Variants in LRRK1 observed in about 807,000 individuals in gnomAD.
The protein encoded by LRRK1 is leucine rich repeat kinase 1.
In LRRK1, 113 loss-of-function variants were observed where a neutral mutation model predicts 209.1. The ratio of observed to expected loss-of-function variants is 0.54; its 90% CI spans 0.46 to 0.63. The LOEUF (loss-of-function observed/expected upper bound fraction) is 0.63. LRRK1 is among the 30% of genes least tolerant of loss of function. LRRK1 has a pLI of 0.00. For missense variants in LRRK1, 2,284 were observed against 2,632.2 expected (o/e 0.87, Z 2.89); for synonymous variants, 1,144 against 1,099.7 (o/e 1.04, Z -0.80).
chr15:100,964,297 G>A (rs1346419489), intron 2 of LRRK1, among the ~76,000 whole-genome samples: 1 of 152,202 alleles, frequency 6.6e-6, no homozygotes, highest in African/African-American at 2.4e-5. Flanking sequence ...AAGACGTCAA[G>A]GGTTGGATTT....
At chr15:100,981,080 G>A (rs560932478) in intron 3 of LRRK1, among the ~76,000 whole-genome samples, 1 of 152,338 alleles carries the variant, frequency 6.6e-6, no homozygotes, top group African/African-American at 2.4e-5. Flanking sequence ...GCGACTGGGA[G>A]GTAAAGGCAT....
At chr15:101,066,482 C>G (rs2036536818) in intron 32 of LRRK1, among the ~76,000 whole-genome samples, 158 bp from the exon 33 acceptor site, 1 of 152,248 alleles carries the variant, frequency 6.6e-6, no homozygotes. Flanking sequence ...AGAAAATTCT[C>G]CTCTGCTTTG....
chr15:100,924,162 T>A (rs536706652), intron 1 of LRRK1, among the ~76,000 whole-genome samples: 9 of 152,330 alleles, frequency 5.9e-5, no homozygotes, highest in Admixed American at 3.9e-4. Flanking sequence ...AAGAGCCTCC[T>A]TGAGCCATCT....
intron 2 of LRRK1, among the ~76,000 whole-genome samples, chr15:100,932,123 T>A (rs2042223584): frequency 6.6e-6 from 1 of 152,116 alleles, no homozygotes; most frequent in Admixed American, 6.5e-5. Flanking sequence ...GTAGCTGGGA[T>A]TACAGGCACT....
chr15:100,935,346 G>C (rs1423223462), intron 2 of LRRK1, among the ~76,000 whole-genome samples: 1 of 152,212 alleles, frequency 6.6e-6, no homozygotes, highest in African/African-American at 2.4e-5. Context: ...GTCCTGTAAA[G>C]GAGCTGGGGA....
At chr15:100,952,827 A>G (rs1737688054) in intron 2 of LRRK1, among the ~76,000 whole-genome samples, 1 of 151,908 alleles carries the variant, frequency 6.6e-6, no homozygotes, top group South Asian at 2.1e-4. Flanking sequence ...TCTGCGTCAT[A>G]AAGCTTACAT....
chr15:101,053,144 A>C (rs755765469), intron 25 of LRRK1, 56 bp downstream of exon 25: 45 of 1,590,454 alleles, frequency 2.8e-5, no homozygotes, highest in Non-Finnish European at 3.8e-5. Context: ...CCCGGGTCTA[A>C]GCTCTGTGCG....
intron 3 of LRRK1, among the ~76,000 whole-genome samples, chr15:100,976,222 G>A (rs147598644): frequency 1.3e-3 from 203 of 152,216 alleles, no homozygotes; most frequent in African/African-American, 4.6e-3. Context: ...GGTTTTACTG[G>A]TGTGTTCTAC....
rs760275331 is a variant in LRRK1 at position 101,068,689 on chromosome 15, C to T, written c.5889C>T (p.Ala1963=). ...LTPHGVLVDA[A]VVAKDTVVCT... ...TCTGCAGGGTGCTGGTGGATGCTGC[C>T]GTGGTGGCAAAGGACACTGTTGTGT... The change falls in exon 34 of 34, where the codon GCC becomes GCT. Residue 1963 remains alanine (A), a synonymous_variant. Coordinates refer to ENST00000388948, the MANE Select transcript of LRRK1 (RefSeq NM_024652.6). 24 of 1,602,338 alleles carry T rather than the reference C, an allele frequency of 1.5e-5. No homozygotes were observed. The highest frequency in any genetic ancestry group is 1.9e-5 in the Non-Finnish European group (22 of 1,173,068).
intron 2 of LRRK1, among the ~76,000 whole-genome samples, chr15:100,940,987 G>A (rs1024962440): frequency 6.6e-6 from 1 of 152,194 alleles, no homozygotes; most frequent in Non-Finnish European, 1.5e-5. Context: ...ACTTCCTCCT[G>A]GGGACTCTGA....
Position 101,022,044 on chromosome 15 carries a change from T to C in LRRK1, c.1852+87T>C. On this transcript the variant is annotated intron_variant, in intron 14 of 33. Coordinates refer to ENST00000388948, the MANE Select transcript of LRRK1 (RefSeq NM_024652.6). This position sits in a 1 kb window ranked among gnomAD's most constrained non-coding sequence, Gnocchi z 4.0. ...TGTTAAGTTCTGGGGGTGGAGACAG[T>C]TGGTGACCCATGGAGCCCAGCTCCA... 2.1e-6 allele frequency: 2 copies of C among 946,090 alleles called. No individual in the cohort carries two copies. Among genetic ancestry groups the C allele is most frequent in the Non-Finnish European group, 3.2e-6 (2 of 618,570 alleles). The allele number at this position is 946,090 out of a possible 1,614,324, so 58.6% of individuals were successfully genotyped here.
At chr15:101,011,922 AC>A (rs2033268969) in intron 9 of LRRK1, 85 bp from the exon 10 acceptor site, 1 of 942,330 alleles carries the variant, frequency 1.1e-6, no homozygotes, top group Non-Finnish European at 1.6e-6. Context: ...TCCATTTTTA[AC>A]ATCAAATTTG....
chr15:101,012,659 C>G (rs1286362877), intron 10 of LRRK1, among the ~76,000 whole-genome samples: 1 of 5,682 alleles, frequency 1.8e-4, no homozygotes, highest in Admixed American at 7.1e-3. Context: ...CCACCCTGCA[C>G]AGGCTTCAGC....
rs753639660 is a variant in LRRK1, at chr15:101,068,692, G to C, written c.5892G>C (p.Val1964=). ...GCAGGGTGCTGGTGGATGCTGCCGT[G>C]GTGGCAAAGGACACTGTTGTGTGCA... ...TPHGVLVDAA[V]VAKDTVVCTF... is the part of the protein sequence containing the mutation. The change falls in exon 34 of 34, where the codon GTG becomes GTC. Residue 1964 remains valine, a synonymous_variant. Transcript: ENST00000388948. The C allele has an allele frequency of 5.3e-5, 85 of 1,603,956 alleles. 1 individual carries two copies. In the Middle Eastern group the frequency reaches 1.2e-3, roughly 22 times the overall value.
Position 101,066,001 on chromosome 15 carries a change from C to T in LRRK1, c.5564C>T (p.Ser1855Phe). 6.2e-7 allele frequency: 1 copy of T among 1,614,102 alleles called. No individual in the cohort carries two copies. Among genetic ancestry groups the T allele is most frequent in the Non-Finnish European group, 8.5e-7 (1 of 1,180,000 alleles). The change falls in exon 32 of 34, where the codon TCC becomes TTC. Residue 1855 changes from serine (S) to phenylalanine (F), a missense_variant. Physicochemically the swap from Ser to Phe is radical, Grantham distance 155. Coordinates refer to ENST00000388948, the MANE Select transcript of LRRK1 (RefSeq NM_024652.6). Reference protein sequence around the residue: ...SSSPPRQAARSPSSLPSSPAS... With the variant: ...SSSPPRQAARFPSSLPSSPAS... ...TCCCCACCCCGCCAGGCTGCCAGGT[C>T]CCCCTCAAGCCTCCCCAGCTCCCCA...
chr15:100,958,809 G>A (rs990509977), intron 2 of LRRK1, among the ~76,000 whole-genome samples: 1 of 152,016 alleles, frequency 6.6e-6, no homozygotes, highest in Non-Finnish European at 1.5e-5. Context: ...CCTGGAGGTG[G>A]GCCCAGGAAG....
rs765835793 is a variant in LRRK1 at position 101,066,686 on chromosome 15, G to A, written c.5815G>A (p.Ala1939Thr). 8.1e-6 allele frequency: 13 copies of A among 1,614,220 alleles called. No homozygotes were observed. Among genetic ancestry groups the A allele is most frequent in the African/African-American group, 1.3e-5 (1 of 75,058 alleles). ...IVIGLEKDSGAQRGRVIAVLK... is the reference protein window; with the variant it reads ...IVIGLEKDSGTQRGRVIAVLK... Reference sequence around the variant, plus strand: ...CATTGGCCTGGAGAAGGATTCTGGCGCCCAGCGGGGCCGAGTCATTGCCGT... The same window carrying A: ...CATTGGCCTGGAGAAGGATTCTGGCACCCAGCGGGGCCGAGTCATTGCCGT... The change falls in exon 33 of 34, where the codon GCC (alanine) becomes ACC (threonine). Residue 1939 changes from alanine (A) to threonine (T), a missense_variant. This residue lies in a region of LRRK1 where 643 missense variants were observed against 695.9 expected (regional missense o/e 0.92). Coordinates refer to ENST00000388948, the MANE Select transcript of LRRK1 (RefSeq NM_024652.6).
chr15:101,027,306 G>A lies in LRRK1; in HGVS notation c.2451G>A (p.Gln817=). ...KSLEGQEGLR[Q]LIFHVTCSMK... is the part of the protein sequence containing the mutation. ...TGGAAGGTCAGGAAGGGCTGCGACA[G>A]CTGATTTTCCACGTCACGTGCAGCA... The change falls in exon 18 of 34, where the codon CAG becomes CAA. Residue 817 remains glutamine (Q), a synonymous_variant. Coordinates refer to ENST00000388948, the MANE Select transcript of LRRK1 (RefSeq NM_024652.6). The surrounding 1 kb of genome is among the most constrained non-coding windows in gnomAD (Gnocchi z 5.1). The A allele has an allele frequency of 2.5e-6, 4 of 1,614,118 alleles. No individual in the cohort carries two copies. The highest frequency in any genetic ancestry group is 3.4e-6 in the Non-Finnish European group (4 of 1,180,028).
At chr15:101,006,121 A>C (rs1335866293) in intron 6 of LRRK1, among the ~76,000 whole-genome samples, 1 of 152,228 alleles carries the variant, frequency 6.6e-6, no homozygotes, top group Non-Finnish European at 1.5e-5. Context: ...CACCTTAACC[A>C]TGAGACCAAA....
Sources: allele counts gnomAD v4.1 joint callset (sites outside exome capture counted in the v4.1 genomes callset), GRCh38; gene constraint gnomAD v4.1.1; regional missense constraint gnomAD v4.1.1; non-coding constraint Gnocchi (gnomAD v3.1); transcripts MANE v1.5; gene names NCBI Gene and HGNC (gene_info 2026-07-23, HGNC 2026-07-21).